Variants in FKBP15 observed in about 807,000 individuals in gnomAD.
FKBP15 encodes the protein FKBP prolyl isomerase family member 15.
A neutral mutation model predicts 158.1 loss-of-function variants in FKBP15; 106 were observed. That is an observed-to-expected ratio of 0.67 (90% CI 0.57 to 0.79). The LOEUF (loss-of-function observed/expected upper bound fraction) is 0.79. Among genes scored for constraint, FKBP15 ranks in the 30% least tolerant of loss-of-function variants. The pLI, the probability that FKBP15 is intolerant of heterozygous loss-of-function variation, is 0.00. For synonymous variants in FKBP15, 547 were observed against 548.6 expected (o/e 1.00, Z 0.04); for missense variants, 1,287 against 1,479.1 (o/e 0.87, Z 2.13).
At position 113,211,525 on chromosome 9, in the gene FKBP15, A is replaced by C. The variant is rs1831005239; in HGVS notation, c.121T>G (p.Tyr41Asp). The stretch of plus-strand genomic sequence containing the variant: ...TTCTTAGGCTGTTTTGGGGCTGTGT[A>C]CTGGAAAAATTCATTTCCATGGCCA... ...AAGHGNEFFQ[Y>D]TAPKQPKKGQ... Residue 41 changes from tyrosine (Y) to aspartate (D), a missense_variant, in exon 2 of 28, where the codon TAC (tyrosine) becomes GAC (aspartate). Tyr to Asp is a radical substitution (Grantham distance 160). Transcript: ENST00000238256. 1.2e-6 allele frequency: 2 copies of C among 1,609,744 alleles called. No homozygotes were observed. Among genetic ancestry groups the C allele is most frequent in the Non-Finnish European group, 1.7e-6 (2 of 1,178,192 alleles).
At chr9:113,197,315 A>G (rs1238647997) in intron 8 of FKBP15, among the ~76,000 whole-genome samples, 1 of 152,174 alleles carries the variant, frequency 6.6e-6, no homozygotes, top group Non-Finnish European at 1.5e-5. Flanking sequence ...TTAGATGATG[A>G]GAGAAAATGG....
chr9:113,166,165 C>G lies in FKBP15; in HGVS notation c.3583-10G>C, dbSNP rs1830096139. 1.9e-6 allele frequency: 3 copies of G among 1,607,870 alleles called. No homozygotes were observed. The highest frequency in any genetic ancestry group is 2.5e-6 in the Non-Finnish European group (3 of 1,176,784). On this transcript the variant is annotated splice_polypyrimidine_tract_variant and intron_variant, in intron 27 of 27. Coordinates refer to ENST00000238256, the MANE Select transcript of FKBP15 (RefSeq NM_015258.2). ...GGCGTCCCTTCATGCTCTGATAAAA[C>G]AGGAAAGAGCAGTCAGTCCTCACTT...
At position 113,161,253 on chromosome 9, in the gene FKBP15, T is replaced by C. The variant is rs2118836513; in HGVS notation, c.*4825A>G. ...AGATTTGTGCAGCCTGCTGGGGGAG[T>C]GGGTGGGGTAATGGTACGTGGCTTC... On this transcript the variant is annotated 3_prime_UTR_variant, in exon 28 of 28. Coordinates refer to ENST00000238256, the MANE Select transcript of FKBP15 (RefSeq NM_015258.2). 2.1e-6 allele frequency: 1 copy of C among 466,570 alleles called. No homozygotes were observed. Among genetic ancestry groups the C allele is most frequent in the East Asian group, 3.9e-5 (1 of 25,548 alleles). 28.9% of individuals were successfully genotyped at this position (466,570 alleles called of 1,614,324 possible). A position where few individuals can be genotyped will look rare whatever the true frequency, so the allele number is the denominator to read the frequency against.
rs1188609496 is a variant in FKBP15, at chr9:113,196,968, C to T, written c.828G>A (p.Thr276=). ...CCACCTCGAACACCAGGATCGAGTC[C>T]GTTGCTTGAGTCCAGCCTATTACCC... The part of the protein sequence containing the change: ...SEGVIGWTQA[T]DSILVFEVEV... Residue 276 remains threonine (T), a synonymous_variant, in exon 9 of 28, where the codon ACG becomes ACA. Coordinates refer to ENST00000238256, the MANE Select transcript of FKBP15 (RefSeq NM_015258.2). 2.1e-5 allele frequency: 34 copies of T among 1,613,850 alleles called. No individual in the cohort carries two copies. The highest frequency in any genetic ancestry group is 2.8e-5 in the Non-Finnish European group (33 of 1,179,888).
At chr9:113,169,143 G>A in intron 26 of FKBP15, 81 bp downstream of exon 26, 1 of 1,490,044 alleles carries the variant, frequency 6.7e-7, no homozygotes, top group South Asian at 1.4e-5. Flanking sequence ...TCTGAGGGAT[G>A]AGTTGCCAGC....
intron 4 of FKBP15, among the ~76,000 whole-genome samples, chr9:113,204,203 A>C (rs904913699): frequency 1.3e-5 from 2 of 152,070 alleles, no homozygotes; most frequent in African/African-American, 4.8e-5. Flanking sequence ...CCAGCCTCCC[A>C]AGTAGCTGGG....
intron 27 of FKBP15, among the ~76,000 whole-genome samples, chr9:113,168,174 T>C (rs1219294722): frequency 6.6e-6 from 1 of 152,186 alleles, no homozygotes; most frequent in Non-Finnish European, 1.5e-5. Context: ...GCTTCAGCAT[T>C]CCAATGTGGG....
Position 113,162,918 on chromosome 9 carries a change from C to G in FKBP15, c.*3160G>C, listed in dbSNP as rs1128773. 20 of 1,604,914 alleles carry G rather than the reference C, an allele frequency of 1.2e-5. No individual in the cohort carries two copies. The highest frequency in any genetic ancestry group is 1.6e-5 in the Non-Finnish European group (19 of 1,176,088). On this transcript the variant is annotated 3_prime_UTR_variant, in exon 28 of 28. Transcript: ENST00000238256. ...TTACCCACTTCTCAGCACAGCTTAGCTGGTGAGGAACGTGCAGGCACTGAG... is the reference window on the plus strand; with the variant it reads ...TTACCCACTTCTCAGCACAGCTTAGGTGGTGAGGAACGTGCAGGCACTGAG...
intron 1 of FKBP15, among the ~76,000 whole-genome samples, chr9:113,215,264 T>C (rs1386581848): frequency 6.6e-6 from 1 of 152,108 alleles, no homozygotes; most frequent in Non-Finnish European, 1.5e-5. Flanking sequence ...AAGCAAGAGA[T>C]GTGCAACTCT....
chr9:113,211,313 C>T (rs1830997573), intron 2 of FKBP15, among the ~76,000 whole-genome samples, 164 bp downstream of exon 2: 1 of 152,166 alleles, frequency 6.6e-6, no homozygotes, highest in South Asian at 2.1e-4. Flanking sequence ...CACACGCCAC[C>T]ACACCTGGCT....
intron 1 of FKBP15, 109 bp downstream of exon 1, chr9:113,221,082 G>T: frequency 2.5e-6 from 3 of 1,209,410 alleles, no homozygotes; most frequent in Non-Finnish European, 3.4e-6. Flanking sequence ...TGTGGCAAGG[G>T]TCTCCCCCCG....
In FKBP15 at chr9:113,211,587, C is replaced by T; in HGVS notation, c.59G>A (p.Arg20Lys). 1.3e-6 allele frequency: 2 copies of T among 1,595,902 alleles called. No homozygotes were observed. The highest frequency in any genetic ancestry group is 1.7e-6 in the Non-Finnish European group (2 of 1,170,022). ...TDFLSPSGGA[R>K]LASLFGLDQA... ...ATCCAGTCCAAAAAGTGAGGCCAAT[C>T]TGGCACTGTTAGTAGAAAATGAAAA... The change falls in exon 2 of 28, where the codon AGA becomes AAA. Residue 20 changes from arginine (R) to lysine (K), a missense_variant. By Grantham distance (26) the Arg-to-Lys change is conservative. Coordinates refer to ENST00000238256, the MANE Select transcript of FKBP15 (RefSeq NM_015258.2).
rs1830157541 is a variant in FKBP15, at chr9:113,169,213, G to A, written c.3485+11C>T. The A allele has an allele frequency of 6.2e-7, 1 of 1,608,090 alleles. No homozygotes were observed. The highest frequency in any genetic ancestry group is 8.5e-7 in the Non-Finnish European group (1 of 1,176,644). The stretch of plus-strand genomic sequence containing the variant: ...TACCCTGTCCCTGAAGCAGTGCTCA[G>A]AGGAACATACCTGGAACGCTGGGAA... On this transcript the variant is annotated intron_variant, in intron 26 of 27. Transcript: ENST00000238256.
intron 2 of FKBP15, among the ~76,000 whole-genome samples, chr9:113,208,767 G>T (rs973776629): frequency 6.6e-6 from 1 of 152,024 alleles, no homozygotes; most frequent in East Asian, 1.9e-4. Context: ...AGCACTTTGG[G>T]AAACAGAGGT....
intron 9 of FKBP15, among the ~76,000 whole-genome samples, 153 bp downstream of exon 9, chr9:113,196,779 G>A (rs920536331): frequency 6.6e-6 from 1 of 152,142 alleles, no homozygotes; most frequent in African/African-American, 2.4e-5. Context: ...CAAAGCTGTT[G>A]CTATTTCTGA....
rs199849054 is a variant in FKBP15, at chr9:113,183,760, C to T, written c.1802G>A (p.Arg601Gln). The change falls in exon 18 of 28, where the codon CGA becomes CAA. Residue 601 changes from arginine to glutamine, a missense_variant. Physicochemically the swap from Arg to Gln is conservative, Grantham distance 43 (BLOSUM62 1). Transcript: ENST00000238256. The part of the protein sequence containing the change: ...QNDKISELIE[R>Q]NQRYVEQSNL... ...CCGTACCTGTCATTACCTCTGATTT[C>T]GTTCAATTAGTTCACTAATCTTGTC... 9.9e-6 allele frequency: 16 copies of T among 1,611,908 alleles called. No homozygotes were observed. Among genetic ancestry groups the T allele is most frequent in the Admixed American group, 1.7e-5 (1 of 59,988 alleles).
chr9:113,197,323 T>C (rs903294976), intron 8 of FKBP15, among the ~76,000 whole-genome samples: 3 of 151,552 alleles, frequency 2.0e-5, no homozygotes, highest in African/African-American at 7.3e-5. Flanking sequence ...TGAGAGAAAA[T>C]GGGAGGAATA....
At position 113,164,657 on chromosome 9, in the gene FKBP15, C is replaced by T. The variant is rs1262374398; in HGVS notation, c.*1421G>A. 6.6e-6 allele frequency: 1 copy of T among 152,278 alleles called. No individual in the cohort carries two copies. Among genetic ancestry groups the T allele is most frequent in the East Asian group, 1.9e-4 (1 of 5,188 alleles). 9.4% of individuals were successfully genotyped at this position (152,278 alleles called of 1,614,324 possible). A position where few individuals can be genotyped will look rare whatever the true frequency, so the allele number is the denominator to read the frequency against. Reference sequence around the variant, plus strand: ...AAAGCATCACCGCCCCTTCCCCCAACCAGTGACAGTCAGGCTGTGCTGGCC... The same window carrying T: ...AAAGCATCACCGCCCCTTCCCCCAATCAGTGACAGTCAGGCTGTGCTGGCC... On this transcript the variant is annotated 3_prime_UTR_variant, in exon 28 of 28. Transcript: ENST00000238256.
intron 12 of FKBP15, among the ~76,000 whole-genome samples, chr9:113,189,723 T>C (rs1830543207): frequency 6.6e-6 from 1 of 152,118 alleles, no homozygotes; most frequent in African/African-American, 2.4e-5. Context: ...AAAAGAATAC[T>C]AAAAATCAGT....
Sources: allele counts gnomAD v4.1 joint callset (sites outside exome capture counted in the v4.1 genomes callset), GRCh38; gene constraint gnomAD v4.1.1; transcripts MANE v1.5; gene names NCBI Gene and HGNC (gene_info 2026-07-23, HGNC 2026-07-21).